The following ZNF506 variants were observed in gnomAD, a reference collection of about 807,000 sequenced individuals.
ZNF506 encodes zinc finger protein 506.
In ZNF506, 10 loss-of-function variants were observed where a neutral mutation model predicts 11.6. The ratio of observed to expected loss-of-function variants is 0.86; its 90% CI spans 0.53 to 1.46. ZNF506 has a LOEUF of 1.46. ZNF506 is among the 40% of genes most tolerant of loss of function. The pLI, the probability that ZNF506 is intolerant of heterozygous loss-of-function variation, is 0.00. For synonymous variants in ZNF506, 156 were observed against 173.3 expected (o/e 0.90, Z 0.78); for missense variants, 425 against 521.2 (o/e 0.82, Z 1.80).
At chr19:19,816,278 G>A (rs2062930541) in intron 1 of ZNF506, among the ~76,000 whole-genome samples, 1 of 151,684 alleles carries the variant, frequency 6.6e-6, no homozygotes, top group South Asian at 2.1e-4. Context: ...CTGCCTCCCA[G>A]GTTCAAGCCA....
At chr19:19,807,664 C>A (rs781186444) in intron 1 of ZNF506, among the ~76,000 whole-genome samples, 1 of 151,882 alleles carries the variant, frequency 6.6e-6, no homozygotes, top group Non-Finnish European at 1.5e-5. Flanking sequence ...GCCACCATGC[C>A]CAGCTAATTT....
At chr19:19,797,001 T>C (rs746756885) in intron 3 of ZNF506, 5 of 152,234 alleles carry the variant, frequency 3.3e-5, no homozygotes, top group Non-Finnish European at 7.3e-5. Flanking sequence ...CAGAGCTATA[T>C]TATAAAAATC....
chr19:19,807,671 A>AT (rs1387246113), intron 1 of ZNF506, among the ~76,000 whole-genome samples: 11 of 150,932 alleles, frequency 7.3e-5, no homozygotes, highest in East Asian at 3.9e-4. Flanking sequence ...TGCCCAGCTA[A>AT]TTTTTTTTTG....
At position 19,795,247 on chromosome 19, in the gene ZNF506, A is replaced by C; in HGVS notation, c.640T>G (p.Ser214Ala). 6.2e-7 allele frequency: 1 copy of C among 1,614,014 alleles called. No individual in the cohort carries two copies. Among genetic ancestry groups the C allele is most frequent in the Non-Finnish European group, 8.5e-7 (1 of 1,179,954 alleles). Residue 214 changes from serine to alanine, a missense_variant, in exon 4 of 4, where the codon TCA (serine) becomes GCA (alanine). By Grantham distance (99) the Ser-to-Ala change is moderately conservative. Transcript: ENST00000540806. ...EECGKAYKQS[S>A]HLTTHKKIHT... ...ATTTTCTTATGTGTAGTAAGGTGTG[A>C]GGACTGCTTATAGGCTTTACCACAT...
chr19:19,795,703 C>G (rs780857615), intron 3 of ZNF506, 43 bp from the exon 4 acceptor site: 1 of 1,461,326 alleles, frequency 6.8e-7, no homozygotes, highest in South Asian at 1.6e-5. Context: ...TTGCTAGACT[C>G]AGATAAATAT....
rs1430274752 is a variant in ZNF506, at chr19:19,792,927, T to G, written c.*1625A>C. On this transcript the variant is annotated 3_prime_UTR_variant, in exon 4 of 4. Transcript: ENST00000540806. ...CTACAAAGAGCCTCTCCACTTACAT[T>G]TTTATCATGCATCTTACATTTTAAT... is the stretch of plus-strand genomic sequence containing the variant. 6.6e-6 allele frequency among the ~76,000 whole-genome samples: 1 copy of G among 152,174 alleles called. No individual in the cohort carries two copies. The highest frequency in any genetic ancestry group is 2.4e-5 in the African/African-American group (1 of 41,442).
chr19:19,795,232 G>A lies in ZNF506; in HGVS notation c.655C>T (p.His219Tyr). The A allele has an allele frequency of 6.2e-7, 1 of 1,613,878 alleles. No homozygotes were observed. Among genetic ancestry groups the A allele is most frequent in the Non-Finnish European group, 8.5e-7 (1 of 1,179,932 alleles). ...TTCTCTCCAGTATGAATTTTCTTAT[G>A]TGTAGTAAGGTGTGAGGACTGCTTA... ...AYKQSSHLTTHKKIHTGEKPY... is the reference protein window; with the variant it reads ...AYKQSSHLTTYKKIHTGEKPY... Residue 219 changes from histidine to tyrosine, a missense_variant, in exon 4 of 4, where the codon CAT becomes TAT. By Grantham distance (83) the His-to-Tyr change is moderately conservative. This residue lies in a region of ZNF506 where 226 missense variants were observed against 279.1 expected (regional missense o/e 0.81). Coordinates refer to ENST00000540806, the MANE Select transcript of ZNF506 (RefSeq NM_001099269.3).
At chr19:19,817,631 G>T (rs1449483559) in intron 1 of ZNF506, among the ~76,000 whole-genome samples, 3 of 152,048 alleles carry the variant, frequency 2.0e-5, no homozygotes, top group Non-Finnish European at 4.4e-5. Context: ...GACAGCTGCA[G>T]GGGTGGCTCC....
chr19:19,818,462 C>A (rs117269901), intron 1 of ZNF506, among the ~76,000 whole-genome samples: 2,285 of 152,244 alleles, frequency 0.015, 31 homozygotes, highest in Non-Finnish European at 0.019. Context: ...GAGAGATTTT[C>A]TCTACTTTTT....
chr19:19,806,866 TAA>T, intron 2 of ZNF506, 74 bp downstream of exon 2: 1 of 1,530,352 alleles, frequency 6.5e-7, no homozygotes, highest in South Asian at 1.2e-5. Flanking sequence ...AATAAATTAC[TAA>T]AAAACATTCT....
At chr19:19,817,050 C>T (rs1005652280) in intron 1 of ZNF506, among the ~76,000 whole-genome samples, 3 of 152,026 alleles carry the variant, frequency 2.0e-5, no homozygotes, top group Non-Finnish European at 2.9e-5. Context: ...ATCCACCTGC[C>T]TCGGCTTCCC....
At chr19:19,812,762 GA>G (rs2062892924) in intron 1 of ZNF506, among the ~76,000 whole-genome samples, 1 of 152,156 alleles carries the variant, frequency 6.6e-6, no homozygotes, top group Non-Finnish European at 1.5e-5. Context: ...AATTAAAGGA[GA>G]AATCTTAAGA....
chr19:19,821,666 G>A lies in ZNF506; in HGVS notation c.-63C>T. The A allele has an allele frequency of 6.2e-7, 1 of 1,606,266 alleles. No homozygotes were observed. The highest frequency in any genetic ancestry group is 8.5e-7 in the Non-Finnish European group (1 of 1,173,210). On this transcript the variant is annotated 5_prime_UTR_variant, in exon 1 of 4. Coordinates refer to ENST00000540806, the MANE Select transcript of ZNF506 (RefSeq NM_001099269.3). ...ACCCTCCTAATACCTGCAGGTCACA[G>A]GGCCACAGAGGCTGGGCCTCTAGGA... is the stretch of plus-strand genomic sequence containing the variant.
intron 1 of ZNF506, among the ~76,000 whole-genome samples, chr19:19,811,895 G>T (rs1367941580): frequency 2.0e-5 from 3 of 152,100 alleles, no homozygotes; most frequent in African/African-American, 7.2e-5. Context: ...CAAGATTTTA[G>T]ACACATTGTA....
intron 1 of ZNF506, among the ~76,000 whole-genome samples, chr19:19,812,068 TCTC>T (rs926217988): frequency 3.3e-5 from 5 of 152,128 alleles, no homozygotes; most frequent in Admixed American, 6.5e-5. Flanking sequence ...GGTCTCCAGA[TCTC>T]CTCCTTGTTT....
chr19:19,802,350 A>G (rs1177859909), intron 3 of ZNF506, among the ~76,000 whole-genome samples: 8 of 152,236 alleles, frequency 5.3e-5, no homozygotes, highest in Non-Finnish European at 1.0e-4. Context: ...TTATACACAG[A>G]AGATTCTGAG....
intron 1 of ZNF506, among the ~76,000 whole-genome samples, chr19:19,816,770 C>T (rs2062935636): frequency 6.7e-6 from 1 of 149,238 alleles, no homozygotes; most frequent in South Asian, 2.1e-4. Flanking sequence ...GCTGGGATTA[C>T]AGGCGTGAGC....
chr19:19,805,897 G>GAA (rs994284264), intron 3 of ZNF506, 134 bp downstream of exon 3: 4 of 720,470 alleles, frequency 5.6e-6, no homozygotes, highest in Admixed American at 2.8e-5. Context: ...GAAAAGAAAA[G>GAA]AAAAAAAAAG....
chr19:19,804,447 G>A (rs1299388600), intron 3 of ZNF506, among the ~76,000 whole-genome samples: 2 of 152,212 alleles, frequency 1.3e-5, no homozygotes, highest in African/African-American at 4.8e-5. Context: ...ATGCTAGAGA[G>A]GATGTGGAGA....
Sources: allele counts gnomAD v4.1 joint callset (sites outside exome capture counted in the v4.1 genomes callset), GRCh38; gene constraint gnomAD v4.1.1; regional missense constraint gnomAD v4.1.1; transcripts MANE v1.5; gene names NCBI Gene and HGNC (gene_info 2026-07-23, HGNC 2026-07-21).